Variants in MMRN1 observed in about 807,000 individuals in gnomAD.
MMRN1 encodes the protein multimerin 1, also known as multimerin-1.
A neutral mutation model predicts 100.7 loss-of-function variants in MMRN1; 94 were observed. The ratio of observed to expected loss-of-function variants is 0.93; its 90% CI spans 0.79 to 1.11. The LOEUF (loss-of-function observed/expected upper bound fraction) is 1.11. Among genes scored for constraint, MMRN1 ranks in the 50% least tolerant of loss-of-function variants. The probability of loss-of-function intolerance (pLI) is 0.00; values close to 1 mark genes in which losing one functional copy is unlikely to be tolerated. For synonymous variants in MMRN1, 575 were observed against 505.0 expected (o/e 1.14, Z -1.86); for missense variants, 1,606 against 1,439.1 (o/e 1.12, Z -1.88).
chr4:89,901,332 T>A (rs189453900), intron 1 of MMRN1, among the ~76,000 whole-genome samples: 1 of 149,974 alleles, frequency 6.7e-6, no homozygotes, highest in Non-Finnish European at 1.5e-5. Flanking sequence ...AAAAGAGGGA[T>A]TTTTTTTCTG....
rs578176976 is a variant in MMRN1 at position 89,909,323 on chromosome 4, T to A, written c.671T>A (p.Leu224Ter). ...VHTRLSPTVI[L>*]DNQVTYVPGG... is the part of the protein sequence containing the mutation. Reference sequence around the variant, plus strand: ...ACCAGGTTATCTCCCACAGTGATATTGGACAACCAGGTCACTTATGTCCCA... The same window carrying A: ...ACCAGGTTATCTCCCACAGTGATATAGGACAACCAGGTCACTTATGTCCCA... The change falls in exon 2 of 8, where the codon TTG (leucine) becomes TAG (stop). Residue 224 changes from leucine (L) to a stop codon, truncating the protein, a stop_gained. Coordinates refer to ENST00000264790, the MANE Select transcript of MMRN1 (RefSeq NM_007351.3). LOFTEE classifies it high-confidence loss of function. The A allele has an allele frequency of 6.2e-7, 1 of 1,609,998 alleles. No homozygotes were observed. Among genetic ancestry groups the A allele is most frequent in the Admixed American group, 1.7e-5 (1 of 59,720 alleles).
At chr4:89,902,294 T>G (rs1721417421) in intron 1 of MMRN1, among the ~76,000 whole-genome samples, 1 of 150,842 alleles carries the variant, frequency 6.6e-6, no homozygotes, top group South Asian at 2.1e-4. Flanking sequence ...ACCTGCACAA[T>G]GTGCACATGT....
At chr4:89,880,536 T>C (rs1048244574) in intron 1 of MMRN1, among the ~76,000 whole-genome samples, 52 of 152,148 alleles carry the variant, frequency 3.4e-4, no homozygotes, top group African/African-American at 1.2e-3. Flanking sequence ...GTGAGTCACA[T>C]AGAAGGCTCT....
intron 1 of MMRN1, among the ~76,000 whole-genome samples, chr4:89,897,410 A>C (rs528010184): frequency 2.0e-5 from 3 of 152,176 alleles, no homozygotes; most frequent in African/African-American, 7.2e-5. Flanking sequence ...GGGTTTCACC[A>C]TGTTGGCCAG....
At position 89,936,515 on chromosome 4, in the gene MMRN1, C is replaced by A. The variant is rs141708782; in HGVS notation, c.2835C>A (p.Ile945=). 5.1e-4 allele frequency: 815 copies of A among 1,613,056 alleles called. 9 individuals are homozygous for A. The highest frequency in any genetic ancestry group is 9.2e-5 in the Non-Finnish European group (108 of 1,179,686). ...GTGTGTCAGAACTGAATGCTACCAT[C>A]CCTAAGTGGATAAAACATTCCCTGC... ...STSVSELNAT[I]PKWIKHSLPD... The change falls in exon 6 of 8, where the codon ATC becomes ATA. Residue 945 remains isoleucine, a synonymous_variant. Transcript: ENST00000264790.
At chr4:89,928,019 G>A (rs1578489174) in intron 5 of MMRN1, 51 bp downstream of exon 5, 1 of 1,388,558 alleles carries the variant, frequency 7.2e-7, no homozygotes, top group East Asian at 2.6e-5. Context: ...GAAAGCAAAT[G>A]ATTCATTTTT....
chr4:89,915,795 A>C (rs578169515), intron 3 of MMRN1, among the ~76,000 whole-genome samples: 1 of 151,766 alleles, frequency 6.6e-6, no homozygotes, highest in East Asian at 1.9e-4. Context: ...TCTGAAATGC[A>C]CAAACATCTT....
chr4:89,904,883 G>C (rs891669799), intron 1 of MMRN1, among the ~76,000 whole-genome samples: 1 of 151,330 alleles, frequency 6.6e-6, no homozygotes, highest in Non-Finnish European at 1.5e-5. Context: ...AACAAATGAG[G>C]GTTTAGCTGA....
upstream of MMRN1, among the ~76,000 whole-genome samples, chr4:89,893,527 G>A (rs561659787): frequency 7.2e-4 from 110 of 152,060 alleles, no homozygotes; most frequent in African/African-American, 2.4e-3. Flanking sequence ...TTTGAAAGAC[G>A]GAACTTAATA....
At chr4:89,912,099 T>C in intron 3 of MMRN1, 49 bp downstream of exon 3, 1 of 1,304,118 alleles carries the variant, frequency 7.7e-7, no homozygotes, top group Non-Finnish European at 1.1e-6. Context: ...AGAAACTGAT[T>C]CTATTGAAGA....
At chr4:89,889,732 A>G (rs1171745084) in intron 1 of MMRN1, among the ~76,000 whole-genome samples, 1 of 152,096 alleles carries the variant, frequency 6.6e-6, no homozygotes, top group Non-Finnish European at 1.5e-5. Flanking sequence ...TCATGTGTTC[A>G]CCCATTCTTA....
chr4:89,901,721 T>C (rs1046281313), intron 1 of MMRN1, among the ~76,000 whole-genome samples: 1 of 152,076 alleles, frequency 6.6e-6, no homozygotes, highest in African/African-American at 2.4e-5. Context: ...ATATTCTCTA[T>C]CAACTTTTAC....
chr4:89,936,714 A>G lies in MMRN1; in HGVS notation c.3034A>G (p.Asn1012Asp). 1.2e-6 allele frequency: 2 copies of G among 1,613,514 alleles called. No homozygotes were observed. The highest frequency in any genetic ancestry group is 1.7e-6 in the Non-Finnish European group (2 of 1,179,646). The change falls in exon 6 of 8, where the codon AAC (asparagine) becomes GAC (aspartate). Residue 1012 changes from asparagine (N) to aspartate (D), a missense_variant. Physicochemically the swap from Asn to Asp is conservative, Grantham distance 23. Transcript: ENST00000264790. The stretch of plus-strand genomic sequence containing the variant: ...AGTAAAATCATTGCCAAAGAAAATT[A>G]ACGCACTTAAGAAACCAACGGTAAA... ...KQVKSLPKKI[N>D]ALKKPTVNLT...
chr4:89,881,980 A>C (rs1007956162), intron 1 of MMRN1, among the ~76,000 whole-genome samples: 15 of 151,932 alleles, frequency 9.9e-5, no homozygotes, highest in African/African-American at 3.1e-4. Flanking sequence ...TTACTAATGA[A>C]AGTTTGTCAG....
intron 2 of MMRN1, among the ~76,000 whole-genome samples, chr4:89,909,893 T>C (rs2110596189): frequency 6.6e-6 from 1 of 151,570 alleles, no homozygotes; most frequent in East Asian, 1.9e-4. Context: ...TCTATTGTAA[T>C]TAGCCATGTC....
chr4:89,945,280 G>A (rs1364077329), intron 6 of MMRN1, among the ~76,000 whole-genome samples: 2 of 152,134 alleles, frequency 1.3e-5, no homozygotes, highest in Admixed American at 1.3e-4. Context: ...CCAGTCTGGG[G>A]TTACTGTGGA....
intron 3 of MMRN1, among the ~76,000 whole-genome samples, chr4:89,918,763 C>T (rs1721998179): frequency 6.6e-6 from 1 of 151,814 alleles, no homozygotes; most frequent in Non-Finnish European, 1.5e-5. Flanking sequence ...TACTTTTTCA[C>T]TATTATTGCA....
chr4:89,951,855 C>A lies in MMRN1; in HGVS notation c.3265+104C>A. On this transcript the variant is annotated intron_variant, in intron 7 of 7. Coordinates refer to ENST00000264790, the MANE Select transcript of MMRN1 (RefSeq NM_007351.3). ...ATATTTAAGCCTGCTTAATCTGGAT[C>A]CACTTGACAATTCCTTTTACTTTTT... The A allele has an allele frequency of 6.3e-6, 8 of 1,278,668 alleles. No homozygotes were observed. In the South Asian group the frequency reaches 1.2e-4, roughly 19 times the overall value. 79.2% of individuals were successfully genotyped at this position (1,278,668 alleles called of 1,614,324 possible). A position where few individuals can be genotyped will look rare whatever the true frequency, so the allele number is the denominator to read the frequency against.
chr4:89,890,727 G>A (rs77970141), upstream of MMRN1, among the ~76,000 whole-genome samples: 5 of 152,114 alleles, frequency 3.3e-5, no homozygotes, highest in East Asian at 3.9e-4. Flanking sequence ...ACTGTTCTGC[G>A]TAAATGGGAA....
Sources: allele counts gnomAD v4.1 joint callset (sites outside exome capture counted in the v4.1 genomes callset), GRCh38; gene constraint gnomAD v4.1.1; transcripts MANE v1.5; gene names NCBI Gene and HGNC (gene_info 2026-07-23, HGNC 2026-07-21).